ARHGEF1: variants seen among roughly 807,000 people sequenced by gnomAD.
ARHGEF1 encodes 115 kDa guanine nucleotide exchange factor.
A neutral mutation model predicts 119.7 loss-of-function variants in ARHGEF1; 40 were observed. The observed-to-expected ratio is 0.33, with a 90% CI of 0.26 to 0.44. The LOEUF is 0.44. Among genes scored for constraint, ARHGEF1 ranks in the 20% least tolerant of loss-of-function variants. The pLI is 1.00. For missense variants in ARHGEF1, 976 were observed against 1,268.3 expected (o/e 0.77, Z 3.50); for synonymous variants, 494 against 521.0 (o/e 0.95, Z 0.71).
intron 1 of ARHGEF1, among the ~76,000 whole-genome samples, chr19:41,885,587 G>A (rs1301343717): frequency 1.3e-5 from 2 of 151,592 alleles, no homozygotes; most frequent in African/African-American, 2.4e-5. Flanking sequence ...TCAGCCTCCC[G>A]AGTAGCTGGG....
At chr19:41,908,079 C>A, downstream of ARHGEF1, 1 of 545,618 alleles carries the variant, frequency 1.8e-6, no homozygotes, top group Non-Finnish European at 2.8e-6. The surrounding 1 kb of genome is among the most constrained non-coding windows in gnomAD (Gnocchi z 6.7). Context: ...ACCCCCCCCA[C>A]TCTGGGGCTG....
Position 41,903,046 on chromosome 19 carries a change from T to A in ARHGEF1, c.1738+148T>A. ...CATCCTCCCACCTCAGCTCCCCAAGTAGCTGGGACCCCAAGGGCACACCAC... is the reference window on the plus strand; with the variant it reads ...CATCCTCCCACCTCAGCTCCCCAAGAAGCTGGGACCCCAAGGGCACACCAC... On this transcript the variant is annotated intron_variant, in intron 18 of 28. Coordinates refer to ENST00000354532, the MANE Select transcript of ARHGEF1 (RefSeq NM_004706.4). This position sits in a 1 kb window ranked among gnomAD's most constrained non-coding sequence, Gnocchi z 4.2. The A allele has an allele frequency of 1.4e-6, 1 of 736,744 alleles. No individual in the cohort carries two copies. The highest frequency in any genetic ancestry group is 2.2e-6 in the Non-Finnish European group (1 of 461,180). 45.6% of individuals were successfully genotyped at this position (736,744 alleles called of 1,614,324 possible). A position where few individuals can be genotyped will look rare whatever the true frequency, so the allele number is the denominator to read the frequency against.
rs1555846367 is a variant in ARHGEF1 at position 41,892,348 on chromosome 19, C to G, written c.342C>G (p.Val114=). The change falls in exon 6 of 29, where the codon GTC becomes GTG. Residue 114 remains valine (V), a synonymous_variant. Coordinates refer to ENST00000354532, the MANE Select transcript of ARHGEF1 (RefSeq NM_004706.4). The surrounding 1 kb of genome is among the most constrained non-coding windows in gnomAD (Gnocchi z 6.3). ...TTGAGCAGGTTCTCCGGGTGCCGGTCCCTCCCAACGTCGCCTTTGAACTTG... is the reference window on the plus strand; with the variant it reads ...TTGAGCAGGTTCTCCGGGTGCCGGTGCCTCCCAACGTCGCCTTTGAACTTG... ...LEKTAVLRVP[V]PPNVAFELDR... is the part of the protein sequence containing the mutation. 1 of 1,613,996 alleles carries G rather than the reference C, an allele frequency of 6.2e-7. No individual in the cohort carries two copies. Among genetic ancestry groups the G allele is most frequent in the Non-Finnish European group, 8.5e-7 (1 of 1,180,016 alleles).
At chr19:41,921,873 C>G (rs1488300173), upstream of ARHGEF1, among the ~76,000 whole-genome samples, 1 of 151,778 alleles carries the variant, frequency 6.6e-6, no homozygotes, top group African/African-American at 2.4e-5. The surrounding 1 kb of genome is among the most constrained non-coding windows in gnomAD (Gnocchi z 4.4). Context: ...CAAAGCCCAC[C>G]CTACCCCTCC....
Position 41,892,717 on chromosome 19 carries a change from G to A in ARHGEF1, c.482G>A (p.Arg161Gln), listed in dbSNP as rs782018741. Reference protein sequence around the residue: ...GRQLEDFRSKRLMGMTPWEQE... With the variant: ...GRQLEDFRSKQLMGMTPWEQE... ...CAGCTGGAGGACTTCCGTTCCAAGC[G>A]GCTCATGGGCATGACGCCCTGGGAG... Residue 161 changes from arginine to glutamine, a missense_variant, in exon 7 of 29, where the codon CGG becomes CAG. Physicochemically the swap from Arg to Gln is conservative, Grantham distance 43. Transcript: ENST00000354532. This position sits in a 1 kb window ranked among gnomAD's most constrained non-coding sequence, Gnocchi z 6.3. 6.2e-6 allele frequency: 10 copies of A among 1,612,964 alleles called. No individual in the cohort carries two copies. The highest frequency in any genetic ancestry group is 4.5e-5 in the East Asian group (2 of 44,880).
At chr19:41,909,493 T>TG (rs2145880695), downstream of ARHGEF1, 1 of 1,251,486 alleles carries the variant, frequency 8.0e-7, no homozygotes, top group Non-Finnish European at 1.0e-6. This position sits in a 1 kb window ranked among gnomAD's most constrained non-coding sequence, Gnocchi z 5.2. Context: ...GTGGTGGTGT[T>TG]GGGGAGGTGC....
upstream of ARHGEF1, among the ~76,000 whole-genome samples, chr19:41,920,485 A>ACACACAGACATGACG (rs1333150213): frequency 8.6e-4 from 129 of 149,462 alleles, no homozygotes; most frequent in Middle Eastern, 0.01. Context: ...CACAGACGTG[A>ACACACAGACATGACG]CACACAGACA....
chr19:41,912,382 C>T (rs906435805), downstream of ARHGEF1, among the ~76,000 whole-genome samples: 6 of 152,338 alleles, frequency 3.9e-5, no homozygotes, highest in East Asian at 1.9e-4. Flanking sequence ...CCACCAACCC[C>T]GGTTGCAAGC....
intron 1 of ARHGEF1, among the ~76,000 whole-genome samples, 181 bp from the exon 2 acceptor site, chr19:41,887,883 C>T (rs2074317828): frequency 6.6e-6 from 1 of 152,238 alleles, no homozygotes; most frequent in South Asian, 2.1e-4. Context: ...TCCCTGGGCT[C>T]CCGCCCCCTG....
chr19:41,897,726 T>TGTCTCTGTCCCTGTCCTGGTCTCTCCCC, intron 13 of ARHGEF1: 1 of 448,138 alleles, frequency 2.2e-6, no homozygotes. Flanking sequence ...GGTCTCTCCC[T>TGTCTCTGTCCCTGTCCTGGTCTCTCCCC]GTCTCTGTCC....
rs574550411 is a variant in ARHGEF1 at position 41,897,755 on chromosome 19, G to A, written c.1122-687G>A. The A allele has an allele frequency of 7.8e-4, 394 of 507,246 alleles. 2 individuals are homozygous for A. Among genetic ancestry groups the A allele is most frequent in the African/African-American group, 6.6e-3 (328 of 49,992 alleles). The allele number at this position is 507,246 out of a possible 1,614,324, so 31.4% of individuals were successfully genotyped here. ...TCTGTCCCTGTCCTGGTCTCTCCCC[G>A]TCTCTGTCCCTGTCCTCGTCTCTCC... On this transcript the variant is annotated intron_variant, in intron 13 of 28. Coordinates refer to ENST00000354532, the MANE Select transcript of ARHGEF1 (RefSeq NM_004706.4).
intron 28 of ARHGEF1, 80 bp from the exon 29 acceptor site, chr19:41,907,021 TCTCC>T (rs2074711644): frequency 7.7e-7 from 1 of 1,300,748 alleles, no homozygotes; most frequent in South Asian, 1.5e-5. Context: ...CTCTCTCTGC[TCTCC>T]CTGTCTTGTC....
downstream of ARHGEF1, chr19:41,907,550 C>T (rs1410336282): frequency 2.4e-5 from 17 of 713,796 alleles, no homozygotes; most frequent in Non-Finnish European, 3.1e-5. Context: ...CTCTGCGCCT[C>T]CCTCCAGTTG....
chr19:41,914,295 C>T (rs1296879617), intron 18 of ARHGEF1, among the ~76,000 whole-genome samples: 3 of 151,030 alleles, frequency 2.0e-5, no homozygotes, highest in Non-Finnish European at 3.0e-5. Context: ...TCTCTCCGGT[C>T]ACTTGGTCTC....
At chr19:41,891,830 CA>C (rs2074382125) in intron 4 of ARHGEF1, among the ~76,000 whole-genome samples, 194 bp from the exon 5 acceptor site, 2 of 152,144 alleles carry the variant, frequency 1.3e-5, no homozygotes, top group South Asian at 4.1e-4. Flanking sequence ...ATGCTCATGG[CA>C]GCCCCAGGGA....
In ARHGEF1 at chr19:41,892,292, C is replaced by G. The variant is rs782441506; in HGVS notation, c.325-39C>G. On this transcript the variant is annotated intron_variant, in intron 5 of 28. Coordinates refer to ENST00000354532, the MANE Select transcript of ARHGEF1 (RefSeq NM_004706.4). The surrounding 1 kb of genome is among the most constrained non-coding windows in gnomAD (Gnocchi z 6.3). ...TCCTCCCGGCCTGCATCTCAGCACA[C>G]CAAGTCCTCCTCTTCACCCCATTCT... 3 of 1,612,742 alleles carry G rather than the reference C, an allele frequency of 1.9e-6. No homozygotes were observed. Among genetic ancestry groups the G allele is most frequent in the South Asian group, 1.1e-5 (1 of 91,076 alleles).
intron 7 of ARHGEF1, chr19:41,893,052 C>A: frequency 9.6e-7 from 1 of 1,039,884 alleles, no homozygotes; most frequent in Non-Finnish European, 1.4e-6. Flanking sequence ...GTTCCCTTGT[C>A]ATTTCTGGGT....
chr19:41,915,485 C>T (rs73550627), intron 18 of ARHGEF1, among the ~76,000 whole-genome samples: 34,182 of 151,618 alleles, frequency 0.23, 8,027 homozygotes, highest in African/African-American at 0.6. Context: ...TGTGTCCCCA[C>T]GTCTCTGTGT....
At position 41,901,809 on chromosome 19, in the gene ARHGEF1, T is replaced by G. The variant is rs569502911; in HGVS notation, c.1268-78T>G. The G allele has an allele frequency of 2.0e-6, 3 of 1,522,432 alleles. No individual in the cohort carries two copies. The South Asian group carries it at 3.7e-5, about 19-fold the overall frequency. 94.3% of individuals were successfully genotyped at this position (1,522,432 alleles called of 1,614,324 possible). A position where few individuals can be genotyped will look rare whatever the true frequency, so the allele number is the denominator to read the frequency against. Reference sequence around the variant, plus strand: ...AGCTTTCCTCCCTGCTCTGCCTCATTCCTCTAGCCTGCCCATGAGGTCATG... The same window carrying G: ...AGCTTTCCTCCCTGCTCTGCCTCATGCCTCTAGCCTGCCCATGAGGTCATG... On this transcript the variant is annotated intron_variant, in intron 14 of 28. Transcript: ENST00000354532.
Sources: allele counts gnomAD v4.1 joint callset (sites outside exome capture counted in the v4.1 genomes callset), GRCh38; gene constraint gnomAD v4.1.1; non-coding constraint Gnocchi (gnomAD v3.1); transcripts MANE v1.5; gene names NCBI Gene and HGNC (gene_info 2026-07-23, HGNC 2026-07-21).